MICU1: variants seen among roughly 807,000 people sequenced by gnomAD.
MICU1 encodes the protein calcium uptake protein 1, mitochondrial.
MICU1 carries 45 observed loss-of-function variants against 56.8 expected under a neutral mutation model. The ratio of observed to expected loss-of-function variants is 0.79; its 90% CI spans 0.62 to 1.02. MICU1 has a LOEUF of 1.02. Among genes scored for constraint, MICU1 ranks in the 50% least tolerant of loss-of-function variants. The pLI is 0.00. For synonymous variants in MICU1, 186 were observed against 195.1 expected (o/e 0.95, Z 0.39); for missense variants, 504 against 587.1 (o/e 0.86, Z 1.46).
At chr10:72,571,503 A>G (rs2132486460) in intron 1 of MICU1, among the ~76,000 whole-genome samples, 1 of 152,362 alleles carries the variant, frequency 6.6e-6, no homozygotes, top group African/African-American at 2.4e-5. Flanking sequence ...TTTGAATGCC[A>G]GACCAAGAAT....
intron 9 of MICU1, among the ~76,000 whole-genome samples, chr10:72,418,698 A>G (rs1246133054): frequency 6.6e-6 from 1 of 152,218 alleles, no homozygotes; most frequent in Non-Finnish European, 1.5e-5. Flanking sequence ...AAACTGATTA[A>G]TGTCAGCCAA....
At chr10:72,383,185 G>A (rs138662288) in intron 10 of MICU1, among the ~76,000 whole-genome samples, 17 of 150,748 alleles carry the variant, frequency 1.1e-4, no homozygotes, top group African/African-American at 4.1e-4. Flanking sequence ...GTTCAAGTCT[G>A]CAGTGAGCTA....
At position 72,551,330 on chromosome 10, in the gene MICU1, A is replaced by G. The variant is rs1350151072; in HGVS notation, c.342T>C (p.Tyr114=). The G allele has an allele frequency of 1.1e-5, 18 of 1,605,182 alleles. No homozygotes were observed. The highest frequency in any genetic ancestry group is 6.7e-5 in the South Asian group (6 of 89,536). The change falls in exon 4 of 12, where the codon TAT becomes TAC. Residue 114 remains tyrosine, a synonymous_variant. Coordinates refer to ENST00000361114, the MANE Select transcript of MICU1 (RefSeq NM_001195518.2). ...SGFRDRKVME[Y]ENRIRAYSTP... The stretch of plus-strand genomic sequence containing the variant: ...TGGAGTAGGCTCGAATCCTATTCTC[A>G]TATTCCATCACCTAAAGTTAGAAAT...
chr10:72,521,190 G>GA (rs1224683484), intron 5 of MICU1, among the ~76,000 whole-genome samples: 2 of 151,882 alleles, frequency 1.3e-5, no homozygotes, highest in African/African-American at 4.8e-5. Context: ...ATTTGTATAA[G>GA]AAAAAAATGT....
rs58499998 is a variant in MICU1 at position 72,464,295 on chromosome 10, C to CAA, written c.933+10803_933+10804dup. ...GGGGTGACAGAGTGAGATTCTGTCT[C>CAA]AAAAAAAAAAAAAAAAAAAAAAAAA... is the stretch of plus-strand genomic sequence containing the variant. On this transcript the variant is annotated intron_variant, in intron 8 of 11. Transcript: ENST00000361114. Among the ~76,000 whole-genome samples, 915 of 99,932 alleles carry CAA rather than the reference C, an allele frequency of 9.2e-3. 64 individuals are homozygous for CAA. The highest frequency in any genetic ancestry group is 0.038 in the African/African-American group (856 of 22,322). 65.6% of individuals were successfully genotyped at this position (99,932 alleles called of 152,430 possible).
intron 4 of MICU1, among the ~76,000 whole-genome samples, chr10:72,545,428 T>C (rs1033038243): frequency 1.3e-5 from 2 of 152,212 alleles, no homozygotes; most frequent in African/African-American, 4.8e-5. Context: ...AGACATCAGT[T>C]AACACATGTA....
chr10:72,527,870 C>T (rs780623058), intron 5 of MICU1, among the ~76,000 whole-genome samples: 6 of 152,040 alleles, frequency 3.9e-5, no homozygotes, highest in Non-Finnish European at 8.8e-5. Context: ...CTCTATTGCC[C>T]GGCTGGAGTG....
intron 1 of MICU1, among the ~76,000 whole-genome samples, chr10:72,586,637 G>C (rs1160146892): frequency 1.3e-5 from 2 of 151,228 alleles, no homozygotes; most frequent in Admixed American, 6.6e-5. Context: ...GGGCAACAGA[G>C]CGAGACTCCA....
At chr10:72,474,735 T>C (rs1866060316) in intron 8 of MICU1, among the ~76,000 whole-genome samples, 1 of 152,204 alleles carries the variant, frequency 6.6e-6, no homozygotes, top group South Asian at 2.1e-4. Context: ...CCTTTGCAAT[T>C]ATCCATCCTT....
intron 8 of MICU1, among the ~76,000 whole-genome samples, chr10:72,425,048 T>C (rs1476279228): frequency 2.6e-5 from 4 of 152,230 alleles, no homozygotes; most frequent in Admixed American, 6.5e-5. Flanking sequence ...CTCAATTTAC[T>C]ATCCTGAAAC....
At chr10:72,619,268 C>A (rs1842047177) in intron 1 of MICU1, among the ~76,000 whole-genome samples, 1 of 151,942 alleles carries the variant, frequency 6.6e-6, no homozygotes, top group South Asian at 2.1e-4. Flanking sequence ...CACGGTGAAA[C>A]CCTGTCTCTA....
intron 1 of MICU1, among the ~76,000 whole-genome samples, chr10:72,624,365 T>G (rs961546080): frequency 7.9e-5 from 12 of 152,120 alleles, no homozygotes; most frequent in African/African-American, 2.9e-4. Flanking sequence ...TTTTGTGTTT[T>G]GTAGAGATGG....
Position 72,477,222 on chromosome 10 carries a change from C to G in MICU1, c.687G>C (p.Met229Ile). 1.3e-6 allele frequency: 2 copies of G among 1,549,192 alleles called. No homozygotes were observed. Among genetic ancestry groups the G allele is most frequent in the Non-Finnish European group, 1.7e-6 (2 of 1,146,610 alleles). The change falls in exon 7 of 12, where the codon ATG becomes ATC. Residue 229 changes from methionine to isoleucine, a missense_variant. Coordinates refer to ENST00000361114, the MANE Select transcript of MICU1 (RefSeq NM_001195518.2). ...CTTCTCCATCTCCATTCAAATCAAA[C>G]ATCTTGAAGGCAATTTCAAAATTTC... ...PQRNFEIAFK[M>I]FDLNGDGEVD... is the part of the protein sequence containing the mutation.
intron 1 of MICU1, among the ~76,000 whole-genome samples, chr10:72,607,281 G>A (rs1192087653): frequency 5.3e-5 from 8 of 150,914 alleles, no homozygotes; most frequent in Admixed American, 4.6e-4. Flanking sequence ...GCGGAGGTTG[G>A]AGTGAGCCGA....
At chr10:72,576,978 A>G (rs1253430280) in intron 1 of MICU1, among the ~76,000 whole-genome samples, 2 of 152,240 alleles carry the variant, frequency 1.3e-5, no homozygotes, top group Non-Finnish European at 2.9e-5. Context: ...TGTGGTGTAT[A>G]TACACCATGG....
At chr10:72,605,135 C>T (rs1309130797) in intron 1 of MICU1, among the ~76,000 whole-genome samples, 1 of 152,124 alleles carries the variant, frequency 6.6e-6, no homozygotes, top group African/African-American at 2.4e-5. Context: ...GCCAGCCAAA[C>T]CCCACCAAAA....
At chr10:72,530,518 A>G (rs1450797624) in intron 5 of MICU1, among the ~76,000 whole-genome samples, 2 of 152,080 alleles carry the variant, frequency 1.3e-5, no homozygotes, top group Admixed American at 1.3e-4. Flanking sequence ...TTTCAAAATA[A>G]TATCACTTAT....
Position 72,475,139 on chromosome 10 carries a change from T to C in MICU1, c.894A>G (p.Glu298=), listed in dbSNP as rs1230028580. The C allele has an allele frequency of 2.5e-6, 4 of 1,611,154 alleles. No homozygotes were observed. The Admixed American group carries it at 5.0e-5, about 20-fold the overall frequency. The change falls in exon 8 of 12, where the codon GAA becomes GAG. Residue 298 remains glutamate, a synonymous_variant. Transcript: ENST00000361114. The stretch of plus-strand genomic sequence containing the variant: ...CATCATGCTGCAGTTTACGCTGAAA[T>C]TCGAGGAAGTTTTTGATTGTCAGCT... ...KGKLTIKNFL[E]FQRKLQHDVL... is the part of the protein sequence containing the mutation.
At chr10:72,446,877 T>G (rs1421756186) in intron 8 of MICU1, among the ~76,000 whole-genome samples, 1 of 152,184 alleles carries the variant, frequency 6.6e-6, no homozygotes, top group African/African-American at 2.4e-5. Context: ...GTAATAAGTT[T>G]GTGGTCACAC....
Sources: allele counts gnomAD v4.1 joint callset (sites outside exome capture counted in the v4.1 genomes callset), GRCh38; gene constraint gnomAD v4.1.1; transcripts MANE v1.5; gene names NCBI Gene and HGNC (gene_info 2026-07-23, HGNC 2026-07-21).